ZNF268: variants seen among roughly 807,000 people sequenced by gnomAD.
The protein encoded by ZNF268 is zinc finger protein 3.
ZNF268 carries 20 observed loss-of-function variants against 29.3 expected under a neutral mutation model. The ratio of observed to expected loss-of-function variants is 0.68; its 90% CI spans 0.48 to 0.99. ZNF268 has a LOEUF of 0.99. Ranked by LOEUF, ZNF268 falls within the 50% of genes least tolerant of loss-of-function variation. The pLI, the probability that ZNF268 is intolerant of heterozygous loss-of-function variation, is 0.00. For synonymous variants in ZNF268, 429 were observed against 376.9 expected, an observed-to-expected ratio of 1.14 and a Z score of -1.60; for missense variants, 1,240 against 1,121.6, an observed-to-expected ratio of 1.11 and a Z score of -1.51.
In ZNF268 at chr12:133,207,983, C is replaced by T. The variant is rs868479763; in HGVS notation, c.*3453C>T. 2.6e-4 allele frequency: 40 copies of T among 152,230 alleles called. No homozygotes were observed. The highest frequency in any genetic ancestry group is 3.4e-3 in the Middle Eastern group (1 of 294). The allele number at this position is 152,230 out of a possible 1,614,324, so 9.4% of individuals were successfully genotyped here. A position where few individuals can be genotyped will look rare whatever the true frequency, so the allele number is the denominator to read the frequency against. On this transcript the variant is annotated 3_prime_UTR_variant, in exon 6 of 6. Transcript: ENST00000536435. ...TGGGAATTAAAATTAACTCCTGTAA[C>T]TTGGTAGGGAATATATGTTCTGAAA...
chr12:133,184,018 T>C (rs1057493930), intron 2 of ZNF268, among the ~76,000 whole-genome samples: 1 of 152,200 alleles, frequency 6.6e-6, no homozygotes, highest in Non-Finnish European at 1.5e-5. Flanking sequence ...GAGGAACTTA[T>C]AACAGATACT....
intron 2 of ZNF268, among the ~76,000 whole-genome samples, chr12:133,186,881 C>T (rs1398056678): frequency 6.6e-6 from 1 of 152,198 alleles, no homozygotes; most frequent in African/African-American, 2.4e-5. Context: ...TATACGTATA[C>T]TTGCAATCCC....
At chr12:133,190,224 A>T (rs1215553836) in intron 3 of ZNF268, among the ~76,000 whole-genome samples, 1 of 152,220 alleles carries the variant, frequency 6.6e-6, no homozygotes, top group Admixed American at 6.5e-5. Flanking sequence ...CTTGTCTGTG[A>T]ATTCAGTAAT....
At chr12:133,181,762 C>G in intron 1 of ZNF268, 76 bp downstream of exon 1, 1 of 560,430 alleles carries the variant, frequency 1.8e-6, no homozygotes, top group Non-Finnish European at 3.2e-6. Flanking sequence ...TGCTGCTGAC[C>G]CGGGGCGGTT....
rs1318279513 is a variant in ZNF268 at position 133,207,819 on chromosome 12, G to C, written c.*3289G>C. 6.6e-6 allele frequency: 1 copy of C among 151,976 alleles called. No homozygotes were observed. The highest frequency in any genetic ancestry group is 2.4e-5 in the African/African-American group (1 of 41,370). The allele number at this position is 151,976 out of a possible 1,614,324, so 9.4% of individuals were successfully genotyped here. ...CTAGACCCTGTCTCAAAAAACAGAA[G>C]AGTATGTTTGGAAGATTTAATATTA... On this transcript the variant is annotated 3_prime_UTR_variant, in exon 6 of 6. Coordinates refer to ENST00000536435, the MANE Select transcript of ZNF268 (RefSeq NM_003415.3).
intron 2 of ZNF268, among the ~76,000 whole-genome samples, chr12:133,182,505 A>G: frequency 6.6e-6 from 1 of 152,152 alleles, no homozygotes; most frequent in East Asian, 1.9e-4. Context: ...GGTGGATAAG[A>G]AAGACAATGA....
intron 5 of ZNF268, among the ~76,000 whole-genome samples, chr12:133,196,460 A>G (rs1414569738): frequency 6.6e-6 from 1 of 152,070 alleles, no homozygotes; most frequent in Non-Finnish European, 1.5e-5. Flanking sequence ...CATGCTGTAG[A>G]GAAGACACAT....
Position 133,202,419 on chromosome 12 carries a change from G to A in ZNF268, c.733G>A (p.Gly245Arg). The A allele has an allele frequency of 6.2e-7, 1 of 1,610,550 alleles. No homozygotes were observed. The highest frequency in any genetic ancestry group is 8.5e-7 in the Non-Finnish European group (1 of 1,178,174). The change falls in exon 6 of 6, where the codon GGA (glycine) becomes AGA (arginine). Residue 245 changes from glycine (G) to arginine (R), a missense_variant. Coordinates refer to ENST00000536435, the MANE Select transcript of ZNF268 (RefSeq NM_003415.3). ...FHSKHEQTVIGIKYCESIESG... is the reference protein window; with the variant it reads ...FHSKHEQTVIRIKYCESIESG... ...TTCTAAACATGAGCAAACTGTTATT[G>A]GAATAAAATACTGTGAAAGTATTGA...
chr12:133,184,166 C>T (rs976693571), intron 2 of ZNF268, among the ~76,000 whole-genome samples: 8 of 151,808 alleles, frequency 5.3e-5, no homozygotes, highest in Non-Finnish European at 7.4e-5. Context: ...AGTGCGGTGG[C>T]GCGATCTTGG....
At chr12:133,201,349 T>G (rs1335245200) in intron 5 of ZNF268, among the ~76,000 whole-genome samples, 1 of 152,058 alleles carries the variant, frequency 6.6e-6, no homozygotes, top group East Asian at 1.9e-4. Flanking sequence ...ATCTCCTCTT[T>G]GATTTTATTT....
chr12:133,189,429 G>A (rs947608225), intron 3 of ZNF268, among the ~76,000 whole-genome samples: 2 of 151,954 alleles, frequency 1.3e-5, no homozygotes, highest in African/African-American at 4.8e-5. Context: ...TGGCCAGGCT[G>A]GTTTCAAACT....
Position 133,181,940 on chromosome 12 carries a change from T to G in ZNF268, c.-52-6T>G. 2 of 1,546,016 alleles carry G rather than the reference T, an allele frequency of 1.3e-6. No individual in the cohort carries two copies. Among genetic ancestry groups the G allele is most frequent in the Non-Finnish European group, 1.8e-6 (2 of 1,141,466 alleles). ...ACCTCTTTCTTCACTGTGCTCTCTC[T>G]TCTAGCATCCCTCGCGTCCTGTCAC... is the stretch of plus-strand genomic sequence containing the variant. On this transcript the variant is annotated splice_region_variant and splice_polypyrimidine_tract_variant and intron_variant, in intron 1 of 5. Transcript: ENST00000536435.
chr12:133,210,487 T>C lies in ZNF268; in HGVS notation c.*5957T>C. On this transcript the variant is annotated 3_prime_UTR_variant, in exon 6 of 6. Coordinates refer to ENST00000536435, the MANE Select transcript of ZNF268 (RefSeq NM_003415.3). Reference sequence around the variant, plus strand: ...TGCCCCACTAGGGTCCCTAGGTCAGTCCTGAAGAGAAACAAGCTCCAGTCT... The same window carrying C: ...TGCCCCACTAGGGTCCCTAGGTCAGCCCTGAAGAGAAACAAGCTCCAGTCT... The C allele has an allele frequency of 4.0e-6, 1 of 250,570 alleles. No individual in the cohort carries two copies. The highest frequency in any genetic ancestry group is 4.9e-5 in the South Asian group (1 of 20,532). 15.5% of individuals were successfully genotyped at this position (250,570 alleles called of 1,614,324 possible). A position where few individuals can be genotyped will look rare whatever the true frequency, so the allele number is the denominator to read the frequency against.
rs556334028 is a variant in ZNF268, at chr12:133,203,524, A to C, written c.1838A>C (p.Glu613Ala). 2.8e-5 allele frequency: 43 copies of C among 1,547,772 alleles called. No individual in the cohort carries two copies. The highest frequency in any genetic ancestry group is 3.7e-5 in the Non-Finnish European group (42 of 1,150,350). The stretch of plus-strand genomic sequence containing the variant: ...ACTCATACAGGGGAGAAACCATTTG[A>C]ATGTAGTGAGTGTCAGAAAGCCTTT... ...QRTHTGEKPF[E>A]CSECQKAFNT... is the part of the protein sequence containing the mutation. Residue 613 changes from glutamate (E) to alanine (A), a missense_variant, in exon 6 of 6, where the codon GAA (glutamate) becomes GCA (alanine). Glu to Ala is a moderately radical substitution (Grantham distance 107, BLOSUM62 -1). Transcript: ENST00000536435.
chr12:133,200,369 T>C (rs1020745497), intron 5 of ZNF268, among the ~76,000 whole-genome samples: 20 of 152,202 alleles, frequency 1.3e-4, no homozygotes, highest in African/African-American at 4.3e-4. Context: ...GAGTTCTAGT[T>C]TGATTGCACT....
Position 133,212,497 on chromosome 12 carries a change from A to T in ZNF268, c.*7967A>T, listed in dbSNP as rs868487067. 5.2e-5 allele frequency: 1 copy of T among 19,346 alleles called. No homozygotes were observed. The highest frequency in any genetic ancestry group is 4.7e-4 in the African/African-American group (1 of 2,122). The allele number at this position is 19,346 out of a possible 1,614,324, so 1.2% of individuals were successfully genotyped here. On this transcript the variant is annotated 3_prime_UTR_variant, in exon 6 of 6. Transcript: ENST00000536435. ...TATATATATATATATATATATATATATGTATATATACACACACACATACAC... is the reference window on the plus strand; with the variant it reads ...TATATATATATATATATATATATATTTGTATATATACACACACACATACAC...
Position 133,203,830 on chromosome 12 carries a change from T to C in ZNF268, c.2144T>C (p.Met715Thr), listed in dbSNP as rs1566385674. 1.3e-6 allele frequency: 2 copies of C among 1,560,802 alleles called. No homozygotes were observed. The highest frequency in any genetic ancestry group is 2.4e-5 in the East Asian group (1 of 42,302). Reference sequence around the variant, plus strand: ...AGCAAGTCATACCTTATTATACATATGAGAACTCATACAGGAGAGAAACCA... The same window carrying C: ...AGCAAGTCATACCTTATTATACATACGAGAACTCATACAGGAGAGAAACCA... The part of the protein sequence containing the change: ...FRSKSYLIIH[M>T]RTHTGEKPHE... Residue 715 changes from methionine (M) to threonine (T), a missense_variant, in exon 6 of 6, where the codon ATG becomes ACG. This residue lies in a region of ZNF268 where 1,177 missense variants were observed against 1,039.6 expected (regional missense o/e 1.13). Transcript: ENST00000536435.
At position 133,211,187 on chromosome 12, in the gene ZNF268, A is replaced by C. The variant is rs1956973989; in HGVS notation, c.*6657A>C. 2.9e-6 allele frequency: 1 copy of C among 344,898 alleles called. No homozygotes were observed. The highest frequency in any genetic ancestry group is 4.0e-5 in the Admixed American group (1 of 25,158). 21.4% of individuals were successfully genotyped at this position (344,898 alleles called of 1,614,324 possible). A position where few individuals can be genotyped will look rare whatever the true frequency, so the allele number is the denominator to read the frequency against. Reference sequence around the variant, plus strand: ...ATAAAATCATTCAAAAAAATCTGAAAAAGTGTTTGTATGCAAAATATAAAA... The same window carrying C: ...ATAAAATCATTCAAAAAAATCTGAACAAGTGTTTGTATGCAAAATATAAAA... On this transcript the variant is annotated 3_prime_UTR_variant, in exon 6 of 6. Transcript: ENST00000536435.
chr12:133,193,312 G>A, intron 5 of ZNF268: 1 of 509,018 alleles, frequency 2.0e-6, no homozygotes, highest in Non-Finnish European at 3.5e-6. Flanking sequence ...TGGCCTGGGT[G>A]ATAGTGAGAT....
Sources: allele counts gnomAD v4.1 joint callset (sites outside exome capture counted in the v4.1 genomes callset), GRCh38; gene constraint gnomAD v4.1.1; regional missense constraint gnomAD v4.1.1; transcripts MANE v1.5; gene names NCBI Gene and HGNC (gene_info 2026-07-23, HGNC 2026-07-21).